PLCB1: variants seen among roughly 807,000 people sequenced by gnomAD.
PLCB1 encodes the protein phospholipase C beta 1.
A neutral mutation model predicts 161.8 loss-of-function variants in PLCB1; 46 were observed. The ratio of observed to expected loss-of-function variants is 0.28; its 90% confidence interval spans 0.22 to 0.36. The LOEUF (loss-of-function observed/expected upper bound fraction) is 0.36. PLCB1 is among the 10% of genes least tolerant of loss of function. The probability of loss-of-function intolerance (pLI) is 1.00; values close to 1 mark genes in which losing one functional copy is unlikely to be tolerated. For missense variants in PLCB1, 1,016 were observed against 1,472.5 expected, an observed-to-expected ratio of 0.69 and a Z score of 5.07; for synonymous variants, 517 against 503.7, an observed-to-expected ratio of 1.03 and a Z score of -0.35.
intron 2 of PLCB1, among the ~76,000 whole-genome samples, chr20:8,179,886 TCC>T (rs1342021326): frequency 2.0e-5 from 2 of 100,236 alleles, no homozygotes; most frequent in Admixed American, 2.7e-4. Flanking sequence ...TGAGACGGAG[TCC>T]CTCTCTGTCG....
intron 3 of PLCB1, among the ~76,000 whole-genome samples, chr20:8,464,726 C>T (rs935436035): frequency 6.6e-6 from 1 of 152,142 alleles, no homozygotes; most frequent in African/African-American, 2.4e-5. Context: ...CACCACCTAG[C>T]TCTCAGCCAC....
chr20:8,541,600 G>GAAAT (rs1555769071), intron 3 of PLCB1, among the ~76,000 whole-genome samples: 3,254 of 150,752 alleles, frequency 0.022, 80 homozygotes, highest in Middle Eastern at 0.028. Context: ...AAGAAAGAAA[G>GAAAT]AAAGAAAGGA....
At chr20:8,606,475 A>C (rs572060746) in intron 3 of PLCB1, among the ~76,000 whole-genome samples, 52 of 152,324 alleles carry the variant, frequency 3.4e-4, no homozygotes, top group Non-Finnish European at 6.0e-4. Flanking sequence ...GACACGGAAT[A>C]AACTTCATCA....
At chr20:8,204,285 T>C (rs961014191) in intron 2 of PLCB1, among the ~76,000 whole-genome samples, 1 of 152,110 alleles carries the variant, frequency 6.6e-6, no homozygotes, top group Non-Finnish European at 1.5e-5. Flanking sequence ...GGGCTTTTCC[T>C]CTCTGGAGAA....
chr20:8,196,386 C>A (rs56361290), intron 2 of PLCB1, among the ~76,000 whole-genome samples: 1 of 152,052 alleles, frequency 6.6e-6, no homozygotes, highest in Non-Finnish European at 1.5e-5. Context: ...GCTGCATATT[C>A]TCCATTTTGC....
chr20:8,746,043 T>A (rs1015708686), intron 23 of PLCB1, among the ~76,000 whole-genome samples: 2 of 152,192 alleles, frequency 1.3e-5, no homozygotes, highest in African/African-American at 4.8e-5. Flanking sequence ...GCGATTCTCC[T>A]GCCTCAGCCA....
intron 2 of PLCB1, among the ~76,000 whole-genome samples, chr20:8,164,467 C>A (rs2051656474): frequency 6.6e-6 from 1 of 152,170 alleles, no homozygotes; most frequent in Non-Finnish European, 1.5e-5. Flanking sequence ...AATTCAGTTT[C>A]TCAATCCCAC....
chr20:8,821,099 A>T (rs1985327711), intron 31 of PLCB1, among the ~76,000 whole-genome samples: 1 of 152,148 alleles, frequency 6.6e-6, no homozygotes, highest in Non-Finnish European at 1.5e-5. Flanking sequence ...ATATCTTATG[A>T]CTATTTTACC....
At chr20:8,658,094 C>A (rs1989515240) in intron 8 of PLCB1, among the ~76,000 whole-genome samples, 1 of 152,070 alleles carries the variant, frequency 6.6e-6, no homozygotes, top group Non-Finnish European at 1.5e-5. Flanking sequence ...CTTGTTGAAG[C>A]CTAACTGTAA....
rs114529972 is a variant in PLCB1, at chr20:8,592,459, C to T, written c.247-35835C>T. ...CAGGTCTTGGCTTCATGTGGGACAT[C>T]ATGGGGAACCTATTGTTGGCATTTC... On this transcript the variant is annotated intron_variant, in intron 3 of 31. Transcript: ENST00000338037. Among the ~76,000 whole-genome samples the T allele has an allele frequency of 7.1e-3, 1,087 of 152,280 alleles. 18 individuals are homozygous for T. Among genetic ancestry groups the T allele is most frequent in the African/African-American group, 0.025 (1,047 of 41,540 alleles).
At chr20:8,281,103 A>G (rs1324082435) in intron 2 of PLCB1, among the ~76,000 whole-genome samples, 1 of 152,216 alleles carries the variant, frequency 6.6e-6, no homozygotes, top group African/African-American at 2.4e-5. Flanking sequence ...TTGGAGTAAG[A>G]TGGCATTGCA....
At chr20:8,455,498 T>C (rs528486129) in intron 3 of PLCB1, among the ~76,000 whole-genome samples, 170 of 142,470 alleles carry the variant, frequency 1.2e-3, no homozygotes, top group African/African-American at 4.2e-3. Context: ...TAGAGTGCAG[T>C]CTTGCAATCT....
intron 2 of PLCB1, among the ~76,000 whole-genome samples, chr20:8,237,858 A>C (rs1184612228): frequency 6.6e-6 from 1 of 152,136 alleles, no homozygotes; most frequent in Non-Finnish European, 1.5e-5. Flanking sequence ...TTGCAAAAAC[A>C]ATGAAGTGTC....
chr20:8,340,601 T>G (rs11700237), intron 2 of PLCB1, among the ~76,000 whole-genome samples: 27,862 of 151,632 alleles, frequency 0.18, 3,221 homozygotes, highest in Non-Finnish European at 0.25. Flanking sequence ...TTTTTTGTGT[T>G]TTTTAGTAGA....
chr20:8,353,176 A>G (rs1206773976), intron 2 of PLCB1, among the ~76,000 whole-genome samples: 1 of 152,158 alleles, frequency 6.6e-6, no homozygotes, highest in Admixed American at 6.5e-5. Context: ...AGGAAGCAAG[A>G]AAGTTTCTCA....
chr20:8,401,235 G>A (rs1978536730), intron 3 of PLCB1, among the ~76,000 whole-genome samples: 1 of 152,084 alleles, frequency 6.6e-6, no homozygotes, highest in East Asian at 1.9e-4. Context: ...TGTTTCGTAA[G>A]ATATTTTGAT....
At chr20:8,153,304 C>A (rs909100431) in intron 2 of PLCB1, among the ~76,000 whole-genome samples, 4 of 152,164 alleles carry the variant, frequency 2.6e-5, no homozygotes, top group Non-Finnish European at 4.4e-5. Flanking sequence ...CTCTGTAAAT[C>A]TTATTGAATA....
At chr20:8,232,171 A>G (rs775618942) in intron 2 of PLCB1, among the ~76,000 whole-genome samples, 1 of 151,986 alleles carries the variant, frequency 6.6e-6, no homozygotes, top group Non-Finnish European at 1.5e-5. Context: ...GGTGCCCGTG[A>G]AAAGCTACAG....
chr20:8,161,451 A>G (rs1369826842), intron 2 of PLCB1, among the ~76,000 whole-genome samples: 1 of 152,212 alleles, frequency 6.6e-6, no homozygotes, highest in Admixed American at 6.5e-5. Flanking sequence ...CTGGTTGTAC[A>G]GTTGGTTAAT....
Sources: gnomAD v4.1 joint callset for allele counts (sites outside exome capture counted in the v4.1 genomes callset) on GRCh38, gnomAD v4.1.1 for gene constraint, MANE v1.5 for transcripts, NCBI Gene and HGNC (gene_info 2026-07-23, HGNC 2026-07-21) for gene names.